SSMEM1: variants seen among roughly 807,000 people sequenced by gnomAD.
SSMEM1 encodes serine rich single-pass membrane protein 1.
Under a neutral mutation model 9.9 loss-of-function variants are expected in SSMEM1, and 12 were observed. The observed-to-expected ratio is 1.21, with a 90% confidence interval of 0.78 to 1.96. SSMEM1 has a LOEUF of 1.96. SSMEM1 is among the 30% of genes most tolerant of loss of function. SSMEM1 has a pLI of 0.00. For synonymous variants in SSMEM1, 96 were observed against 98.9 expected, an observed-to-expected ratio of 0.97 and a Z score of 0.17; for missense variants, 259 against 292.2, an observed-to-expected ratio of 0.89 and a Z score of 0.83.
intron 2 of SSMEM1, among the ~76,000 whole-genome samples, 155 bp downstream of exon 2, chr7:130,213,689 TACC>T (rs1224303708): frequency 3.2e-5 from 2 of 62,614 alleles, no homozygotes; most frequent in African/African-American, 6.2e-5. Context: ...TGAGACCCAG[TACC>T]AAAAAAAAAA....
rs761196314 is a variant in SSMEM1 at position 130,216,361 on chromosome 7, G to C, written c.626G>C (p.Trp209Ser). 1 of 1,614,178 alleles carries C rather than the reference G, an allele frequency of 6.2e-7. No individual in the cohort carries two copies. Among genetic ancestry groups the C allele is most frequent in the Non-Finnish European group, 8.5e-7 (1 of 1,180,040 alleles). Residue 209 changes from tryptophan (W) to serine (S), a missense_variant, in exon 3 of 3, where the codon TGG becomes TCG. Physicochemically the swap from Trp to Ser is radical, Grantham distance 177. Coordinates refer to ENST00000297819, the MANE Select transcript of SSMEM1 (RefSeq NM_145268.4). ...TGCAAAGCCTTGAGAACCAACGAATGGTTGGCGCACCATTCCCGACAGAAG... is the reference window on the plus strand; with the variant it reads ...TGCAAAGCCTTGAGAACCAACGAATCGTTGGCGCACCATTCCCGACAGAAG... ...LHCKALRTNE[W>S]LAHHSRQKPS...
At chr7:130,212,662 T>G (rs1798613305) in intron 1 of SSMEM1, among the ~76,000 whole-genome samples, 1 of 151,570 alleles carries the variant, frequency 6.6e-6, no homozygotes, top group African/African-American at 2.4e-5. Context: ...GAGGCGGAGA[T>G]TTCAGTGAGC....
upstream of SSMEM1, among the ~76,000 whole-genome samples, chr7:130,205,746 G>GGATAGAGTGGCGT (rs1798439107): frequency 6.6e-6 from 1 of 152,212 alleles, no homozygotes; most frequent in African/African-American, 2.4e-5. Flanking sequence ...GCTCACCGTA[G>GGATAGAGTGGCGT]GATAGAGTGG....
upstream of SSMEM1, among the ~76,000 whole-genome samples, chr7:130,205,845 A>AT (rs5887465): frequency 0.19 from 27,964 of 149,558 alleles, 2,909 homozygotes; most frequent in Middle Eastern, 0.25. Flanking sequence ...ACCCCATGTA[A>AT]TTTTTTTTTT....
Position 130,216,603 on chromosome 7 carries a change from C to A in SSMEM1, c.*133C>A. On this transcript the variant is annotated 3_prime_UTR_variant, in exon 3 of 3. Coordinates refer to ENST00000297819, the MANE Select transcript of SSMEM1 (RefSeq NM_145268.4). ...CCAACAAACAAAAACATACTTGGAA[C>A]CCAAGAGGTAAAATCTCACACAATT... 8.7e-7 allele frequency: 1 copy of A among 1,145,168 alleles called. No individual in the cohort carries two copies. Among genetic ancestry groups the A allele is most frequent in the Non-Finnish European group, 1.2e-6 (1 of 817,894 alleles). The allele number at this position is 1,145,168 out of a possible 1,614,324, so 70.9% of individuals were successfully genotyped here.
At chr7:130,214,244 T>C (rs1584714543) in intron 2 of SSMEM1, among the ~76,000 whole-genome samples, 2 of 152,120 alleles carry the variant, frequency 1.3e-5, no homozygotes, top group East Asian at 3.9e-4. Flanking sequence ...AGCAAAACCC[T>C]GTCTTTTTAA....
chr7:130,212,082 G>T (rs567788003), intron 1 of SSMEM1, among the ~76,000 whole-genome samples: 1 of 152,294 alleles, frequency 6.6e-6, no homozygotes, highest in East Asian at 1.9e-4. Flanking sequence ...AGGTGTTAAT[G>T]AAAATTTCTA....
chr7:130,207,476 C>A (rs545910210), upstream of SSMEM1, among the ~76,000 whole-genome samples: 7 of 152,280 alleles, frequency 4.6e-5, no homozygotes, highest in South Asian at 1.5e-3. Flanking sequence ...AATAGAGTCA[C>A]ACTGGAGGTG....
At chr7:130,209,393 G>T (rs557599319) in intron 1 of SSMEM1, among the ~76,000 whole-genome samples, 1 of 152,292 alleles carries the variant, frequency 6.6e-6, no homozygotes, top group Admixed American at 6.5e-5. Context: ...TCCTGGTGAA[G>T]AACTTTCATC....
intron 2 of SSMEM1, among the ~76,000 whole-genome samples, chr7:130,214,438 A>T (rs1003039438): frequency 2.6e-5 from 4 of 152,068 alleles, no homozygotes; most frequent in East Asian, 1.9e-4. Flanking sequence ...TAAATAAATA[A>T]AAATAAATAA....
intron 1 of SSMEM1, among the ~76,000 whole-genome samples, chr7:130,208,469 T>C (rs1467915714): frequency 6.6e-6 from 1 of 152,244 alleles, no homozygotes; most frequent in Non-Finnish European, 1.5e-5. Flanking sequence ...AAATACTTCT[T>C]TAAATTATAT....
At chr7:130,206,891 C>A (rs1463990123), upstream of SSMEM1, 3 of 203,202 alleles carry the variant, frequency 1.5e-5, no homozygotes, top group African/African-American at 4.9e-5. Flanking sequence ...GAGGCTGAGG[C>A]AGGAGAATCA....
chr7:130,213,746 G>A (rs2633384), intron 2 of SSMEM1, among the ~76,000 whole-genome samples: 147,061 of 148,148 alleles, frequency 0.99, 72,999 homozygotes, highest in Middle Eastern at 1. Flanking sequence ...AAAGAAAAAT[G>A]AAATAAAGAC....
intron 1 of SSMEM1, among the ~76,000 whole-genome samples, chr7:130,211,947 T>C (rs1276045661): frequency 2.0e-5 from 3 of 152,216 alleles, no homozygotes; most frequent in African/African-American, 4.8e-5. Flanking sequence ...ACTTAAACCA[T>C]TGTCTACTTT....
At chr7:130,205,483 T>A (rs1193087081), upstream of SSMEM1, 40 of 1,554,060 alleles carry the variant, frequency 2.6e-5, no homozygotes, top group East Asian at 3.6e-4. Context: ...CCGGAAGAAC[T>A]AGGTAGTCTC....
Position 130,216,620 on chromosome 7 carries a change from C to A in SSMEM1, c.*150C>A. On this transcript the variant is annotated 3_prime_UTR_variant, in exon 3 of 3. Transcript: ENST00000297819. Reference sequence around the variant, plus strand: ...ACTTGGAACCCAAGAGGTAAAATCTCACACAATTCTTCGTTCAAAAAAAAA... The same window carrying A: ...ACTTGGAACCCAAGAGGTAAAATCTAACACAATTCTTCGTTCAAAAAAAAA... 1.0e-6 allele frequency: 1 copy of A among 976,462 alleles called. No individual in the cohort carries two copies. Among genetic ancestry groups the A allele is most frequent in the Non-Finnish European group, 1.5e-6 (1 of 675,328 alleles). The allele number at this position is 976,462 out of a possible 1,614,324, so 60.5% of individuals were successfully genotyped here. A position where few individuals can be genotyped will look rare whatever the true frequency, so the allele number is the denominator to read the frequency against.
upstream of SSMEM1, among the ~76,000 whole-genome samples, chr7:130,206,380 C>T (rs1209418954): frequency 6.6e-6 from 1 of 152,214 alleles, no homozygotes. Context: ...AGTCCACAGC[C>T]AGAAACCCAG....
intron 1 of SSMEM1, among the ~76,000 whole-genome samples, chr7:130,209,008 G>A (rs997887031): frequency 3.3e-5 from 5 of 152,134 alleles, no homozygotes; most frequent in Admixed American, 6.6e-5. Flanking sequence ...GACCACAGGC[G>A]CAAGCCACCA....
upstream of SSMEM1, chr7:130,205,513 G>T: frequency 1.4e-6 from 2 of 1,405,034 alleles, no homozygotes; most frequent in Non-Finnish European, 2.0e-6. Flanking sequence ...GAAAGGGAGG[G>T]GTCGCAGGCC....
Sources: gnomAD v4.1 joint callset for allele counts (sites outside exome capture counted in the v4.1 genomes callset) on GRCh38, gnomAD v4.1.1 for gene constraint, MANE v1.5 for transcripts, NCBI Gene and HGNC (gene_info 2026-07-23, HGNC 2026-07-21) for gene names.